The following TCF20 variants were observed in gnomAD, a reference collection of about 807,000 sequenced individuals.
The protein encoded by TCF20 is SPRE-binding protein.
TCF20 carries 3 observed loss-of-function variants against 148.6 expected under a neutral mutation model. The ratio of observed to expected loss-of-function variants is 0.02; its 90% CI spans 0.01 to 0.05. The LOEUF (loss-of-function observed/expected upper bound fraction) is 0.05, where lower values mean the gene tolerates loss of function less well. Ranked by LOEUF, TCF20 falls within the 10% of genes least tolerant of loss-of-function variation. The pLI is 1.00. For missense variants in TCF20, 2,350 were observed against 2,429.3 expected (o/e 0.97, Z 0.69); for synonymous variants, 1,049 against 909.5 (o/e 1.15, Z -2.76).
chr22:42,215,208 C>T lies in TCF20; in HGVS notation c.98G>A (p.Arg33His). The T allele has an allele frequency of 8.1e-6, 13 of 1,614,160 alleles. 1 individual carries two copies. Among genetic ancestry groups the T allele is most frequent in the South Asian group, 7.7e-5 (7 of 91,084 alleles). ...GSSRLEEFSP[R>H]QAQMFQNFGG... is the part of the protein sequence containing the mutation. ...AAAATTCTGGAACATCTGGGCCTGACGAGGGCTGAACTCTTCTAGCCGGGA... is the reference window on the plus strand; with the variant it reads ...AAAATTCTGGAACATCTGGGCCTGATGAGGGCTGAACTCTTCTAGCCGGGA... Residue 33 changes from arginine (R) to histidine (H), a missense_variant, in exon 2 of 6, where the codon CGT (arginine) becomes CAT (histidine). Around this residue, in one of 7 missense-constraint regions of TCF20, gnomAD observed 1,641 missense variants for 1,662.6 expected, o/e 0.99. Coordinates refer to ENST00000677622, the MANE Select transcript of TCF20 (RefSeq NM_001378418.1).
At chr22:42,238,876 G>A (rs1261826308) in intron 1 of TCF20, among the ~76,000 whole-genome samples, 1 of 152,134 alleles carries the variant, frequency 6.6e-6, no homozygotes, top group Non-Finnish European at 1.5e-5. Context: ...CCAGCACTTT[G>A]GGAGGCCGAG....
chr22:42,318,251 A>C (rs1482512056), intron 1 of TCF20, among the ~76,000 whole-genome samples: 1 of 152,218 alleles, frequency 6.6e-6, no homozygotes, highest in Non-Finnish European at 1.5e-5. Context: ...AGCTATTTCC[A>C]GCCCAGTTGC....
intron 5 of TCF20, among the ~76,000 whole-genome samples, chr22:42,166,360 C>T (rs1180182642): frequency 6.6e-6 from 1 of 152,212 alleles, no homozygotes; most frequent in Non-Finnish European, 1.5e-5. Context: ...GTAATCCCGG[C>T]ACTTTGAGAG....
chr22:42,322,892 G>GT (rs1438557806), intron 1 of TCF20, among the ~76,000 whole-genome samples: 3 of 122,220 alleles, frequency 2.5e-5, no homozygotes, highest in African/African-American at 5.4e-5. Context: ...TTCATTTTCT[G>GT]GTTTTTTTTT....
intron 1 of TCF20, among the ~76,000 whole-genome samples, chr22:42,293,814 A>ACATGGTGAAACAC (rs1441818203): frequency 6.6e-6 from 1 of 152,242 alleles, no homozygotes; most frequent in Non-Finnish European, 1.5e-5. Flanking sequence ...AGCCCGACCA[A>ACATGGTGAAACAC]CATGGTGAAA....
At chr22:42,244,134 G>A (rs988350918) in intron 1 of TCF20, among the ~76,000 whole-genome samples, 6 of 152,186 alleles carry the variant, frequency 3.9e-5, no homozygotes, top group Non-Finnish European at 7.3e-5. Context: ...AGCCCAGTGA[G>A]TGAAGCCTGT....
At chr22:42,302,651 A>G (rs1450786046) in intron 1 of TCF20, among the ~76,000 whole-genome samples, 1 of 152,000 alleles carries the variant, frequency 6.6e-6, no homozygotes, top group Non-Finnish European at 1.5e-5. Context: ...GGGCAGGGAG[A>G]AGGAGGAAAG....
In TCF20 at chr22:42,179,490, C is replaced by CAAAAAA. The variant is rs57857271; in HGVS notation, c.5749+113_5749+118dup. The CAAAAAA allele has an allele frequency of 2.9e-4, 110 of 373,176 alleles. 2 individuals are homozygous for CAAAAAA. Among genetic ancestry groups the CAAAAAA allele is most frequent in the South Asian group, 5.0e-4 (8 of 16,092 alleles). 23.1% of individuals were successfully genotyped at this position (373,176 alleles called of 1,614,324 possible). ...GGTGGGAAGTTTTTTTATGAAGTGA[C>CAAAAAA]AAAAAAAAAAAAAAAAAAAAAGAAA... On this transcript the variant is annotated intron_variant, in intron 3 of 5. Coordinates refer to ENST00000677622, the MANE Select transcript of TCF20 (RefSeq NM_001378418.1).
At chr22:42,248,093 T>C (rs1237160053) in intron 1 of TCF20, among the ~76,000 whole-genome samples, 2 of 152,108 alleles carry the variant, frequency 1.3e-5, no homozygotes, top group East Asian at 3.8e-4. Context: ...GCTTACATTT[T>C]GTGAAGGAAA....
rs138410463 is a variant in TCF20 at position 42,212,687 on chromosome 22, T to G, written c.2619A>C (p.Leu873=). 9.9e-5 allele frequency: 159 copies of G among 1,614,162 alleles called. No homozygotes were observed. The African/African-American group carries it at 2.0e-3, about 20-fold the overall frequency. The part of the protein sequence containing the change: ...RRSVICDISP[L]RQIVRDPGAH... ...CCCCTGGGTCCCTGACAATCTGTCT[T>G]AGTGGAGAAATATCACAGATCACTG... The change falls in exon 2 of 6, where the codon CTA becomes CTC. Residue 873 remains leucine, a synonymous_variant. Coordinates refer to ENST00000677622, the MANE Select transcript of TCF20 (RefSeq NM_001378418.1).
Position 42,210,860 on chromosome 22 carries a change from G to C in TCF20, c.4446C>G (p.Ser1482=). The change falls in exon 2 of 6, where the codon TCC becomes TCG. Residue 1482 remains serine (S), a synonymous_variant. Transcript: ENST00000677622. The surrounding 1 kb of genome is among the most constrained non-coding windows in gnomAD (Gnocchi z 4.7). ...PGSNQGRPDG[S]LGGTAPLIFP... ...AGATTAAAGGTGCTGTTCCACCCAG[G>C]GAACCATCTGGTCTCCCTTGGTTAC... 1 of 1,614,156 alleles carries C rather than the reference G, an allele frequency of 6.2e-7. No individual in the cohort carries two copies. The highest frequency in any genetic ancestry group is 8.5e-7 in the Non-Finnish European group (1 of 1,180,036).
At chr22:42,209,244 C>T (rs1920922654) in intron 2 of TCF20, among the ~76,000 whole-genome samples, 1 of 152,126 alleles carries the variant, frequency 6.6e-6, no homozygotes, top group Non-Finnish European at 1.5e-5. Context: ...TAAATGAAGG[C>T]TCACTTTAAG....
intron 1 of TCF20, among the ~76,000 whole-genome samples, chr22:42,244,444 G>T (rs139551168): frequency 1.1e-3 from 169 of 152,302 alleles, no homozygotes; most frequent in African/African-American, 4.0e-3. Context: ...AACTGAGTAT[G>T]TATTCAGCCA....
intron 1 of TCF20, among the ~76,000 whole-genome samples, chr22:42,227,836 TAAG>T (rs1036313345): frequency 6.6e-5 from 10 of 152,346 alleles, no homozygotes; most frequent in Admixed American, 3.3e-4. Flanking sequence ...GGACATTGCA[TAAG>T]AAGAAGACTG....
chr22:42,270,216 G>T (rs1370084238), intron 1 of TCF20, among the ~76,000 whole-genome samples, 123 bp downstream of exon 1: 1 of 151,760 alleles, frequency 6.6e-6, no homozygotes, highest in African/African-American at 2.4e-5. Flanking sequence ...AGGAGGCTCC[G>T]CACTCCCAGG....
At chr22:42,194,787 ACCC>A (rs1569126966) in intron 2 of TCF20, among the ~76,000 whole-genome samples, 1 of 151,684 alleles carries the variant, frequency 6.6e-6, no homozygotes, top group East Asian at 2.0e-4. Context: ...CACGCTTCAA[ACCC>A]CCCAAGTCAC....
chr22:42,338,984 G>A lies in TCF20; in HGVS notation c.-37+4495C>T, dbSNP rs1277352009. 6.6e-6 allele frequency among the ~76,000 whole-genome samples: 1 copy of A among 152,104 alleles called. No homozygotes were observed. The highest frequency in any genetic ancestry group is 1.5e-5 in the Non-Finnish European group (1 of 68,010). On this transcript the variant is annotated intron_variant, in intron 1 of 1. Transcript: ENST00000515426. This position sits in a 1 kb window ranked among gnomAD's most constrained non-coding sequence, Gnocchi z 4.0. Reference sequence around the variant, plus strand: ...CCAGGGAGACAGGGTTGTTCCAGAAGGCATCCAGCCCTTTAAAGCCCTCCC... The same window carrying A: ...CCAGGGAGACAGGGTTGTTCCAGAAAGCATCCAGCCCTTTAAAGCCCTCCC...
At position 42,211,457 on chromosome 22, in the gene TCF20, G is replaced by A. The variant is rs1920961486; in HGVS notation, c.3849C>T (p.Arg1283=). 6.2e-7 allele frequency: 1 copy of A among 1,614,180 alleles called. No homozygotes were observed. The highest frequency in any genetic ancestry group is 2.2e-5 in the East Asian group (1 of 44,866). The change falls in exon 2 of 6, where the codon CGC becomes CGT. Residue 1283 remains arginine (R), a synonymous_variant. Coordinates refer to ENST00000677622, the MANE Select transcript of TCF20 (RefSeq NM_001378418.1). ...VKNSSTEDKG[R]LLHSSKEGAD... Reference sequence around the variant, plus strand: ...CGCCTTCTTTTGATGAGTGAAGGAGGCGACCTTTATCTTCAGTGCTACTGT... The same window carrying A: ...CGCCTTCTTTTGATGAGTGAAGGAGACGACCTTTATCTTCAGTGCTACTGT...
intron 1 of TCF20, among the ~76,000 whole-genome samples, chr22:42,262,455 CAA>C (rs1220488245): frequency 1.3e-5 from 2 of 152,052 alleles, no homozygotes; most frequent in Non-Finnish European, 2.9e-5. Flanking sequence ...AAATGCAGGA[CAA>C]AGAGTTTGTG....
Sources: allele counts gnomAD v4.1 joint callset (sites outside exome capture counted in the v4.1 genomes callset), GRCh38; gene constraint gnomAD v4.1.1; regional missense constraint gnomAD v4.1.1; non-coding constraint Gnocchi (gnomAD v3.1); transcripts MANE v1.5; gene names NCBI Gene and HGNC (gene_info 2026-07-23, HGNC 2026-07-21).